Variants in SLC10A7 observed in about 807,000 individuals in gnomAD.
SLC10A7 encodes the protein solute carrier family 10 member 7, also known as sodium/bile acid cotransporter 7.
Under a neutral mutation model 43.2 loss-of-function variants are expected in SLC10A7, and 29 were observed. That is an observed-to-expected ratio of 0.67 (90% confidence interval 0.50 to 0.92). The LOEUF (loss-of-function observed/expected upper bound fraction) is 0.92. Among genes scored for constraint, SLC10A7 ranks in the 40% least tolerant of loss-of-function variants. The pLI is 0.00. For missense variants in SLC10A7, 295 were observed against 403.2 expected (o/e 0.73, Z 2.30); for synonymous variants, 152 against 144.8 (o/e 1.05, Z -0.35).
At chr4:146,303,983 T>C (rs1274308822) in intron 7 of SLC10A7, among the ~76,000 whole-genome samples, 3 of 151,690 alleles carry the variant, frequency 2.0e-5, no homozygotes, top group Non-Finnish European at 4.4e-5. Flanking sequence ...TTGCTCTTAA[T>C]GTACTGCTTT....
intron 4 of SLC10A7, among the ~76,000 whole-genome samples, chr4:146,484,065 GA>G (rs1194054677): frequency 6.6e-6 from 1 of 152,148 alleles, no homozygotes; most frequent in Non-Finnish European, 1.5e-5. Context: ...ATAATGAAAA[GA>G]TCAGGCCAGG....
At chr4:146,486,190 A>C (rs1429658811) in intron 4 of SLC10A7, among the ~76,000 whole-genome samples, 1 of 152,228 alleles carries the variant, frequency 6.6e-6, no homozygotes, top group Non-Finnish European at 1.5e-5. Context: ...ACTCAACTAG[A>C]AACTGCAGGT....
At chr4:146,392,257 G>A (rs1579070322) in intron 5 of SLC10A7, among the ~76,000 whole-genome samples, 1 of 151,980 alleles carries the variant, frequency 6.6e-6, no homozygotes, top group African/African-American at 2.4e-5. Flanking sequence ...TCACATGAAG[G>A]GTAACCATGA....
chr4:146,385,260 G>A lies in SLC10A7; in HGVS notation c.435+57523C>T, dbSNP rs114186427. On this transcript the variant is annotated intron_variant, in intron 5 of 11. Transcript: ENST00000335472. Reference sequence around the variant, plus strand: ...CTTCTGTGTGGCAGGTGCTTCACATGTCTGTTCTCTAATCCCTATAGTAAT... The same window carrying A: ...CTTCTGTGTGGCAGGTGCTTCACATATCTGTTCTCTAATCCCTATAGTAAT... 5.0e-3 allele frequency among the ~76,000 whole-genome samples: 763 copies of A among 152,220 alleles called. 8 individuals carry two copies. The highest frequency in any genetic ancestry group is 0.017 in the African/African-American group (708 of 41,562).
chr4:146,380,741 C>T (rs998836495), intron 5 of SLC10A7, among the ~76,000 whole-genome samples: 2 of 151,982 alleles, frequency 1.3e-5, no homozygotes, highest in Non-Finnish European at 2.9e-5. Flanking sequence ...CAAACTGGCA[C>T]ATTATATTAT....
intron 5 of SLC10A7, among the ~76,000 whole-genome samples, chr4:146,434,965 A>T (rs1579179317): frequency 6.6e-6 from 1 of 152,144 alleles, no homozygotes; most frequent in South Asian, 2.1e-4. Flanking sequence ...TAGGAAAAAC[A>T]GCATTTAAAT....
intron 5 of SLC10A7, among the ~76,000 whole-genome samples, chr4:146,371,859 T>C (rs1210871709): frequency 4.6e-5 from 7 of 152,178 alleles, no homozygotes; most frequent in Admixed American, 4.6e-4. Flanking sequence ...TTATTATTAT[T>C]AGAGAAGTCC....
intron 5 of SLC10A7, among the ~76,000 whole-genome samples, chr4:146,390,855 TACAGA>T (rs1459831385): frequency 2.0e-5 from 3 of 150,940 alleles, no homozygotes; most frequent in African/African-American, 7.3e-5. Flanking sequence ...TTTCCAGACA[TACAGA>T]AAAGTTAAAA....
intron 6 of SLC10A7, among the ~76,000 whole-genome samples, chr4:146,325,469 G>A (rs760170854): frequency 1.3e-5 from 2 of 152,050 alleles, no homozygotes; most frequent in Non-Finnish European, 2.9e-5. Flanking sequence ...ATCTCTGGGC[G>A]ATAGAATGGA....
At chr4:146,363,834 T>C (rs1351870734) in intron 5 of SLC10A7, among the ~76,000 whole-genome samples, 1 of 152,086 alleles carries the variant, frequency 6.6e-6, no homozygotes, top group Non-Finnish European at 1.5e-5. Flanking sequence ...TACCAGTACC[T>C]GTGACATACA....
chr4:146,294,631 C>T (rs954591576), intron 7 of SLC10A7, among the ~76,000 whole-genome samples: 5 of 152,150 alleles, frequency 3.3e-5, no homozygotes, highest in African/African-American at 7.2e-5. Flanking sequence ...AGCAAAAGTG[C>T]ATGTGTTGTG....
At chr4:146,513,719 C>G (rs1385260104) in intron 2 of SLC10A7, among the ~76,000 whole-genome samples, 1 of 152,122 alleles carries the variant, frequency 6.6e-6, no homozygotes, top group Non-Finnish European at 1.5e-5. Context: ...TCACAAAATC[C>G]CAGCATCATA....
intron 5 of SLC10A7, among the ~76,000 whole-genome samples, chr4:146,418,584 T>C (rs1357573218): frequency 1.3e-5 from 2 of 152,178 alleles, no homozygotes; most frequent in African/African-American, 4.8e-5. Flanking sequence ...AAGTTTTTTA[T>C]GATCGTTTTT....
intron 9 of SLC10A7, among the ~76,000 whole-genome samples, chr4:146,291,061 A>G (rs1480843574): frequency 2.0e-5 from 3 of 152,206 alleles, no homozygotes; most frequent in Admixed American, 6.5e-5. Context: ...CAGTCCCAGT[A>G]GTGGCTGCTC....
rs984703082 is a variant in SLC10A7, at chr4:146,258,800, C to T, written c.885G>A (p.Glu295=). 5 of 1,609,880 alleles carry T rather than the reference C, an allele frequency of 3.1e-6. No individual in the cohort carries two copies. The highest frequency in any genetic ancestry group is 2.2e-5 in the East Asian group (1 of 44,674). The part of the protein sequence containing the change: ...PMLKIVFAGH[E]HLSLISVPLL... ...AGGGTACAGATATTAAAGAGAGATGCTCATGGCCTGCAAACACGATCTTCA... is the reference window on the plus strand; with the variant it reads ...AGGGTACAGATATTAAAGAGAGATGTTCATGGCCTGCAAACACGATCTTCA... Residue 295 remains glutamate (E), a synonymous_variant, in exon 11 of 12, where the codon GAG becomes GAA. Coordinates refer to ENST00000335472, the MANE Select transcript of SLC10A7 (RefSeq NM_001029998.6).
At chr4:146,297,046 C>T (rs557839150) in intron 7 of SLC10A7, among the ~76,000 whole-genome samples, 14 of 152,078 alleles carry the variant, frequency 9.2e-5, no homozygotes, top group Non-Finnish European at 1.8e-4. Flanking sequence ...CCTCAGAATT[C>T]TCTCTTGGGA....
At chr4:146,500,995 C>T (rs1397248872) in intron 4 of SLC10A7, among the ~76,000 whole-genome samples, 1 of 152,208 alleles carries the variant, frequency 6.6e-6, no homozygotes, top group East Asian at 1.9e-4. Context: ...TTCCAGGACA[C>T]CTGGCTTCCC....
intron 5 of SLC10A7, among the ~76,000 whole-genome samples, chr4:146,439,677 T>C (rs1730452758): frequency 6.6e-6 from 1 of 152,140 alleles, no homozygotes; most frequent in Non-Finnish European, 1.5e-5. Flanking sequence ...ATATAGATTA[T>C]CCCACAAGTC....
chr4:146,487,588 T>C (rs1264288697), intron 4 of SLC10A7, among the ~76,000 whole-genome samples: 1 of 152,214 alleles, frequency 6.6e-6, no homozygotes, highest in East Asian at 1.9e-4. Context: ...CCTGAGATAA[T>C]GCATAATGGG....
Sources: gnomAD v4.1 joint callset for allele counts (sites outside exome capture counted in the v4.1 genomes callset) on GRCh38, gnomAD v4.1.1 for gene constraint, MANE v1.5 for transcripts, NCBI Gene and HGNC (gene_info 2026-07-23, HGNC 2026-07-21) for gene names.